RLIG1: variants seen among roughly 807,000 people sequenced by gnomAD.
The protein encoded by RLIG1 is RNA 5'-phosphate and 3'-OH ligase 1, also known as RNA ligase 1.
chr12:88,038,522 C>T, the RLIG1 span, among the ~76,000 whole-genome samples: 1 of 152,090 alleles, frequency 6.6e-6, no homozygotes, highest in Non-Finnish European at 1.5e-5. Context: ...TTTATAGAGG[C>T]AATTTTTCTT....
the RLIG1 span, among the ~76,000 whole-genome samples, chr12:88,047,963 C>A: frequency 6.6e-6 from 1 of 151,970 alleles, no homozygotes; most frequent in African/African-American, 2.4e-5. Context: ...TTTATGGAGC[C>A]CCTGATAATG....
chr12:88,043,876 A>G, the RLIG1 span: 26 of 624,274 alleles, frequency 4.2e-5, no homozygotes, highest in Admixed American at 6.4e-5. Flanking sequence ...TACATTTTAT[A>G]TCAAAGATGT....
At chr12:88,035,708 A>G in the RLIG1 span, 2 of 1,606,562 alleles carry the variant, frequency 1.2e-6, no homozygotes, top group Non-Finnish European at 1.7e-6. Flanking sequence ...CGGAGGTGAA[A>G]GAGGAGCCTT....
At chr12:88,044,011 C>T in the RLIG1 span, 1 of 323,654 alleles carries the variant, frequency 3.1e-6, no homozygotes, top group South Asian at 3.3e-5. Flanking sequence ...AGTGGTCACA[C>T]CTGTAATCCC....
the RLIG1 span, chr12:88,045,471 G>A: frequency 6.7e-6 from 5 of 745,140 alleles, no homozygotes; most frequent in Middle Eastern, 3.9e-4. Context: ...ATCTCTTTGC[G>A]ATAGACACCC....
the RLIG1 span, chr12:88,040,408 T>C: frequency 4.5e-5 from 23 of 511,640 alleles, no homozygotes; most frequent in Non-Finnish European, 7.7e-5. Flanking sequence ...ACAATTGTTA[T>C]AGTTCACTTA....
chr12:88,049,648 A>G, the RLIG1 span: 1 of 354,026 alleles, frequency 2.8e-6, no homozygotes, highest in Non-Finnish European at 5.1e-6. Flanking sequence ...GTCTTTGACT[A>G]AAATTTATCA....
the RLIG1 span, among the ~76,000 whole-genome samples, chr12:88,041,347 A>G: frequency 9.9e-5 from 15 of 152,182 alleles, no homozygotes; most frequent in African/African-American, 3.4e-4. Flanking sequence ...CCAGTCAACC[A>G]TTGCTGGACA....
chr12:88,042,715 G>T, the RLIG1 span: 1 of 597,252 alleles, frequency 1.7e-6, no homozygotes, highest in South Asian at 3.6e-5. Context: ...ATTTCCCTTT[G>T]TCTTCTTTGA....
the RLIG1 span, among the ~76,000 whole-genome samples, chr12:88,046,588 CAT>C: frequency 6.6e-6 from 1 of 152,082 alleles, no homozygotes. Flanking sequence ...ACCTGCAGGT[CAT>C]AGTTTGCTGA....
At chr12:88,049,496 A>G in the RLIG1 span, 5 of 756,366 alleles carry the variant, frequency 6.6e-6, no homozygotes, top group East Asian at 5.4e-5. Flanking sequence ...AATTGTAAAT[A>G]TGAAAGCCAA....
chr12:88,042,572 A>G, the RLIG1 span: 3 of 266,364 alleles, frequency 1.1e-5, no homozygotes, highest in South Asian at 1.5e-4. Context: ...CTCATACAAT[A>G]TGACTATGCA....
chr12:88,036,123 A>C, the RLIG1 span: 2 of 1,299,334 alleles, frequency 1.5e-6, no homozygotes, highest in Non-Finnish European at 2.0e-6. Context: ...GCAGTAAGAA[A>C]GGGTGGATAT....
chr12:88,049,348 C>T, the RLIG1 span: 222 of 1,572,888 alleles, frequency 1.4e-4, no homozygotes, highest in Admixed American at 2.3e-4. Flanking sequence ...TACTTAAGAT[C>T]TTCAATTTCT....
the RLIG1 span, among the ~76,000 whole-genome samples, chr12:88,047,592 T>A: frequency 1.3e-5 from 2 of 152,106 alleles, no homozygotes; most frequent in Non-Finnish European, 2.9e-5. Flanking sequence ...TTAATTTTAA[T>A]TTAAGCCAAG....
At chr12:88,044,249 G>C in the RLIG1 span, 2 of 153,596 alleles carry the variant, frequency 1.3e-5, no homozygotes, top group African/African-American at 4.8e-5. Flanking sequence ...TCTAGCCTGA[G>C]AGTTGGACTG....
At chr12:88,046,888 A>G in the RLIG1 span, 2 of 1,612,586 alleles carry the variant, frequency 1.2e-6, no homozygotes, top group African/African-American at 1.3e-5. Flanking sequence ...TCATTGAAGC[A>G]CAATGATCTC....
At chr12:88,040,642 C>T in the RLIG1 span, among the ~76,000 whole-genome samples, 2 of 152,118 alleles carry the variant, frequency 1.3e-5, no homozygotes, top group Non-Finnish European at 2.9e-5. Context: ...GACCTATGTT[C>T]GTGTGACCCT....
chr12:88,036,288 C>CCATA, the RLIG1 span, among the ~76,000 whole-genome samples: 1 of 152,158 alleles, frequency 6.6e-6, no homozygotes, highest in African/African-American at 2.4e-5. Context: ...AACGTGTTTT[C>CCATA]CATAGTGTGC....
Sources: allele counts gnomAD v4.1 joint callset (sites outside exome capture counted in the v4.1 genomes callset), GRCh38; gene constraint gnomAD v4.1.1; transcripts MANE v1.5; gene names NCBI Gene and HGNC (gene_info 2026-07-23, HGNC 2026-07-21).